The following TENM2 variants were observed in gnomAD, a reference collection of about 807,000 sequenced individuals.
TENM2 encodes teneurin-2.
TENM2 carries 52 observed loss-of-function variants against 245.2 expected under a neutral mutation model. The ratio of observed to expected loss-of-function variants is 0.21; its 90% CI spans 0.17 to 0.27. The LOEUF is 0.27. TENM2 is among the 10% of genes least tolerant of loss of function. TENM2 has a pLI of 1.00. For missense variants in TENM2, 3,046 were observed against 3,666.8 expected, an observed-to-expected ratio of 0.83 and a Z score of 4.37; for synonymous variants, 1,363 against 1,438.9, an observed-to-expected ratio of 0.95 and a Z score of 1.19.
At chr5:167,174,088 T>C in the TENM2 span, among the ~76,000 whole-genome samples, 2 of 151,892 alleles carry the variant, frequency 1.3e-5, no homozygotes, top group Non-Finnish European at 1.5e-5. Flanking sequence ...TGCAAGGCTG[T>C]GATGTGAACT....
intron 2 of TENM2, among the ~76,000 whole-genome samples, chr5:167,687,030 T>C (rs1757119850): frequency 6.6e-6 from 1 of 152,142 alleles, no homozygotes; most frequent in Admixed American, 6.5e-5. Context: ...CATTGCCAAA[T>C]ACTTGTAATT....
At chr5:167,134,525 G>A in the TENM2 span, among the ~76,000 whole-genome samples, 1 of 152,188 alleles carries the variant, frequency 6.6e-6, no homozygotes, top group Non-Finnish European at 1.5e-5. Context: ...ATTTTTATGA[G>A]AGGTTGGTCC....
intron 25 of TENM2, among the ~76,000 whole-genome samples, chr5:168,238,207 G>GAAA (rs1765705129): frequency 1.9e-5 from 1 of 52,008 alleles, no homozygotes; most frequent in African/African-American, 9.7e-5. Flanking sequence ...GGGAGGGAGG[G>GAAA]AGGGAGGGAG....
chr5:168,131,490 G>A (rs1024740590), intron 12 of TENM2, among the ~76,000 whole-genome samples: 6 of 152,076 alleles, frequency 3.9e-5, no homozygotes, highest in African/African-American at 9.7e-5. Context: ...GAAAGAAATC[G>A]GTGCTTGTGA....
intron 2 of TENM2, among the ~76,000 whole-genome samples, chr5:167,615,872 GA>G (rs903409776): frequency 2.6e-4 from 39 of 151,812 alleles, no homozygotes; most frequent in Non-Finnish European, 3.8e-4. Context: ...ACTTTTGATA[GA>G]AAAAAAATCC....
chr5:167,130,819 T>G, the TENM2 span, among the ~76,000 whole-genome samples: 1 of 151,856 alleles, frequency 6.6e-6, no homozygotes, highest in African/African-American at 2.4e-5. Context: ...GATTTGTCAC[T>G]TGAAATGATC....
At chr5:167,408,015 C>T (rs1762722942) in intron 2 of TENM2, among the ~76,000 whole-genome samples, 1 of 152,256 alleles carries the variant, frequency 6.6e-6, no homozygotes, top group Admixed American at 6.5e-5. Context: ...ATGAATTCAT[C>T]AAACTCTCAT....
At chr5:167,711,247 G>C (rs538159767) in intron 2 of TENM2, among the ~76,000 whole-genome samples, 1 of 152,316 alleles carries the variant, frequency 6.6e-6, no homozygotes, top group East Asian at 1.9e-4. Context: ...GATGAAATTA[G>C]CCAGGCTAGG....
At chr5:168,124,071 C>T (rs1450924610) in intron 10 of TENM2, among the ~76,000 whole-genome samples, 4 of 152,190 alleles carry the variant, frequency 2.6e-5, no homozygotes, top group Non-Finnish European at 5.9e-5. Flanking sequence ...AACAATCAGA[C>T]AGTGAAACAG....
intron 2 of TENM2, among the ~76,000 whole-genome samples, chr5:167,548,315 A>T (rs1021672218): frequency 6.6e-6 from 1 of 152,142 alleles, no homozygotes; most frequent in Non-Finnish European, 1.5e-5. Context: ...TTTTTCTCCT[A>T]CCAATTTCTT....
At chr5:167,832,467 A>G (rs943755904) in intron 2 of TENM2, among the ~76,000 whole-genome samples, 1 of 152,236 alleles carries the variant, frequency 6.6e-6, no homozygotes, top group African/African-American at 2.4e-5. Context: ...AAGTATCAAA[A>G]TACAGAGCTG....
chr5:167,441,505 G>A lies in TENM2; in HGVS notation c.502+66032G>A, dbSNP rs915472335. 3.3e-5 allele frequency among the ~76,000 whole-genome samples: 5 copies of A among 152,208 alleles called. No individual in the cohort carries two copies. In the South Asian group the frequency reaches 1.0e-3, roughly 32 times the overall value. ...CGTGTGCTTCATTAAATGTAATTTG[G>A]GTTTATTCAACTGTTTTTCTGCTTT... is the stretch of plus-strand genomic sequence containing the variant. On this transcript the variant is annotated intron_variant, in intron 2 of 28. Transcript: ENST00000518659.
intron 2 of TENM2, chr5:167,721,238 C>T (rs1015018648): frequency 2.6e-5 from 4 of 151,808 alleles, no homozygotes; most frequent in African/African-American, 7.3e-5. Flanking sequence ...TTTTAAAAAA[C>T]GTACCACATC....
chr5:167,096,622 G>A, the TENM2 span, among the ~76,000 whole-genome samples: 1 of 152,076 alleles, frequency 6.6e-6, no homozygotes, highest in Non-Finnish European at 1.5e-5. Context: ...AAAGCCCGAC[G>A]CTTATAATTA....
chr5:167,624,925 C>T (rs1200976046), intron 2 of TENM2, among the ~76,000 whole-genome samples: 1 of 152,078 alleles, frequency 6.6e-6, no homozygotes, highest in Non-Finnish European at 1.5e-5. Context: ...TGCATTGATA[C>T]CCATTCTGTT....
In TENM2 at chr5:167,992,968, G is replaced by C. The variant is rs755005974; in HGVS notation, c.972G>C (p.Ser324=). ...GGCACTTCCTCTTCAAGACCTCCTC[G>C]GGGAGCACACCCTTGTTCAGCAGCT... Residue 324 remains serine (S), a synonymous_variant, in exon 5 of 29, where the codon TCG becomes TCC. Transcript: ENST00000518659. 3.8e-5 allele frequency: 62 copies of C among 1,613,720 alleles called. No homozygotes were observed. The Middle Eastern group carries it at 4.9e-4, about 13-fold the overall frequency.
In TENM2 at chr5:168,200,099, G is replaced by A. The variant is rs201582415; in HGVS notation, c.3398G>A (p.Gly1133Asp). The stretch of plus-strand genomic sequence containing the variant: ...ATCTGGGACAAGACAGATGCGTATG[G>A]CCAAAGGGTGTATGGACTCTCAGAT... Residue 1133 changes from glycine (G) to aspartate (D), a missense_variant, in exon 17 of 29, where the codon GGC becomes GAC. By Grantham distance (94) the Gly-to-Asp change is moderately conservative. Around this residue, in one of 2 missense-constraint regions of TENM2, gnomAD observed 2,704 missense variants for 3,331.9 expected, o/e 0.81. Transcript: ENST00000518659. 100 of 1,613,698 alleles carry A rather than the reference G, an allele frequency of 6.2e-5. 1 individual carries two copies. In the African/African-American group the frequency reaches 1.2e-3, roughly 19 times the overall value.
intron 2 of TENM2, among the ~76,000 whole-genome samples, chr5:167,832,389 A>G (rs1033503413): frequency 6.6e-6 from 1 of 152,208 alleles, no homozygotes; most frequent in African/African-American, 2.4e-5. Flanking sequence ...TGTGTAGACC[A>G]TGTGAAAGAC....
At chr5:167,237,337 G>T in the TENM2 span, among the ~76,000 whole-genome samples, 32,295 of 151,926 alleles carry the variant, frequency 0.21, 3,933 homozygotes, top group African/African-American at 0.34. Flanking sequence ...ATCAATTTTA[G>T]GGCATGTTAT....
Sources: gnomAD v4.1 joint callset for allele counts (sites outside exome capture counted in the v4.1 genomes callset) on GRCh38, gnomAD v4.1.1 for gene constraint, gnomAD v4.1.1 regional missense constraint, MANE v1.5 for transcripts, NCBI Gene and HGNC (gene_info 2026-07-23, HGNC 2026-07-21) for gene names.